Variants in ELAPOR2 observed in about 807,000 individuals in gnomAD.
The protein encoded by ELAPOR2 is endosome-lysosome associated apoptosis and autophagy regulator family member 2, also known as endosome/lysosome-associated apoptosis and autophagy regulator family member 2.
ELAPOR2 carries 89 observed loss-of-function variants against 120.7 expected under a neutral mutation model. That is an observed-to-expected ratio of 0.74 (90% confidence interval 0.62 to 0.88). The LOEUF is 0.88. Ranked by LOEUF, ELAPOR2 falls within the 40% of genes least tolerant of loss-of-function variation. The probability of loss-of-function intolerance (pLI) is 0.00; values close to 1 mark genes in which losing one functional copy is unlikely to be tolerated. For missense variants in ELAPOR2, 1,134 were observed against 1,251.6 expected, an observed-to-expected ratio of 0.91 and a Z score of 1.42; for synonymous variants, 444 against 444.9, an observed-to-expected ratio of 1.00 and a Z score of 0.03.
At chr7:87,048,934 TC>T (rs1795025192) in intron 1 of ELAPOR2, among the ~76,000 whole-genome samples, 1 of 152,246 alleles carries the variant, frequency 6.6e-6, no homozygotes, top group African/African-American at 2.4e-5. Flanking sequence ...TAATTAAAAA[TC>T]CAGACACTGT....
chr7:87,007,910 T>C (rs1175163869), intron 1 of ELAPOR2, among the ~76,000 whole-genome samples: 1 of 152,176 alleles, frequency 6.6e-6, no homozygotes, highest in African/African-American at 2.4e-5. Context: ...TTCTTTTCAA[T>C]AGAAGGTCAA....
intron 1 of ELAPOR2, among the ~76,000 whole-genome samples, chr7:87,016,634 A>G (rs1793875009): frequency 6.7e-6 from 1 of 150,304 alleles, no homozygotes; most frequent in African/African-American, 2.4e-5. Flanking sequence ...TGCCACATCC[A>G]GTTCCGTAAC....
intron 18 of ELAPOR2, among the ~76,000 whole-genome samples, chr7:86,898,393 T>C (rs773227028): frequency 1.4e-4 from 21 of 152,138 alleles, no homozygotes; most frequent in Non-Finnish European, 2.4e-4. Context: ...GGTTTCTGTC[T>C]GAGGTGTTGA....
Position 86,892,979 on chromosome 7 carries a change from G to T in ELAPOR2, c.2807C>A (p.Ala936Asp). 1 of 1,571,844 alleles carries T rather than the reference G, an allele frequency of 6.4e-7. No individual in the cohort carries two copies. Among genetic ancestry groups the T allele is most frequent in the Non-Finnish European group, 8.6e-7 (1 of 1,166,604 alleles). Residue 936 changes from alanine (A) to aspartate (D), a missense_variant, in exon 20 of 22, where the codon GCT becomes GAT. Coordinates refer to ENST00000450689, the MANE Select transcript of ELAPOR2 (RefSeq NM_001142749.3). ...AGCCACCAGCAAAACGGCAGTAAAAGCTCCCACACCGGCTCCCACCTTCAG... is the reference window on the plus strand; with the variant it reads ...AGCCACCAGCAAAACGGCAGTAAAATCTCCCACACCGGCTCCCACCTTCAG... ...FWLKVGAGVG[A>D]FTAVLLVALT...
chr7:86,962,307 G>A (rs1447065737), intron 2 of ELAPOR2, among the ~76,000 whole-genome samples: 1 of 152,114 alleles, frequency 6.6e-6, no homozygotes, highest in African/African-American at 2.4e-5. Context: ...ACATTTTAAA[G>A]AATTTTTAGC....
intron 1 of ELAPOR2, among the ~76,000 whole-genome samples, chr7:86,994,808 A>G (rs74800469): frequency 6.6e-6 from 1 of 152,130 alleles, no homozygotes; most frequent in Admixed American, 6.5e-5. Context: ...CAACCCCTCT[A>G]TGACCCAAGT....
chr7:86,933,129 AAT>A (rs1028031052), intron 8 of ELAPOR2, among the ~76,000 whole-genome samples: 14 of 151,106 alleles, frequency 9.3e-5, no homozygotes, highest in South Asian at 6.3e-4. Context: ...AAATATATCA[AAT>A]ATATATATAT....
chr7:86,937,695 C>A (rs973817255), intron 8 of ELAPOR2, among the ~76,000 whole-genome samples: 1 of 152,198 alleles, frequency 6.6e-6, no homozygotes, highest in East Asian at 1.9e-4. Flanking sequence ...TAAGAACTTT[C>A]CATCCTGTGA....
At chr7:86,966,290 A>G (rs890506355) in intron 1 of ELAPOR2, among the ~76,000 whole-genome samples, 3 of 152,148 alleles carry the variant, frequency 2.0e-5, no homozygotes, top group Non-Finnish European at 4.4e-5. Context: ...TTCCTGGAGG[A>G]AACATTGGAA....
intron 1 of ELAPOR2, among the ~76,000 whole-genome samples, chr7:87,031,405 A>G (rs566706567): frequency 6.6e-6 from 1 of 152,110 alleles, no homozygotes; most frequent in South Asian, 2.1e-4. Flanking sequence ...AATGAGTGGC[A>G]TGAGATCCAC....
At chr7:86,908,150 TACACACACACAC>T (rs144805388) in intron 17 of ELAPOR2, among the ~76,000 whole-genome samples, 35 of 144,358 alleles carry the variant, frequency 2.4e-4, no homozygotes, top group African/African-American at 6.7e-4. Context: ...TGTAAGTGAA[TACACACACACAC>T]ACACACACAC....
chr7:86,946,539 A>G (rs1034039572), intron 3 of ELAPOR2, among the ~76,000 whole-genome samples: 35 of 152,092 alleles, frequency 2.3e-4, no homozygotes, highest in African/African-American at 8.2e-4. Context: ...GGCACCTGCC[A>G]CCACGCCAGG....
intron 1 of ELAPOR2, among the ~76,000 whole-genome samples, chr7:87,025,154 A>G (rs993191323): frequency 6.6e-6 from 1 of 152,120 alleles, no homozygotes; most frequent in Non-Finnish European, 1.5e-5. Context: ...CTAAATGTCT[A>G]AATTCAATTC....
chr7:87,028,470 A>C, intron 1 of ELAPOR2, among the ~76,000 whole-genome samples: 1 of 152,040 alleles, frequency 6.6e-6, no homozygotes, highest in East Asian at 1.9e-4. Flanking sequence ...TTTTTAGCTA[A>C]ACTTGCTCCC....
At chr7:87,017,666 A>G (rs1793913416) in intron 1 of ELAPOR2, among the ~76,000 whole-genome samples, 2 of 152,142 alleles carry the variant, frequency 1.3e-5, no homozygotes, top group Admixed American at 1.3e-4. Context: ...CGTGCCTGTA[A>G]TCCCAACACT....
In ELAPOR2 at chr7:86,925,625, A is replaced by T; in HGVS notation, c.1302T>A (p.Pro434=). The T allele has an allele frequency of 6.2e-7, 1 of 1,611,934 alleles. No individual in the cohort carries two copies. Among genetic ancestry groups the T allele is most frequent in the South Asian group, 1.1e-5 (1 of 91,044 alleles). The change falls in exon 10 of 22, where the codon CCT becomes CCA. Residue 434 remains proline (P), a synonymous_variant. Transcript: ENST00000450689. ...ECRPCPAGTE[P]ALGFEYKWWN... ...ACCATTTATATTCAAAGCCAAGTGC[A>T]GGCTCCGTTCCTGCTGGACATGGTC...
chr7:86,927,850 A>G (rs1222206972), intron 8 of ELAPOR2, among the ~76,000 whole-genome samples: 1 of 152,056 alleles, frequency 6.6e-6, no homozygotes, highest in Admixed American at 6.6e-5. Context: ...TCCTTTTCTT[A>G]AACATATAAT....
chr7:86,911,331 C>T (rs1024675599), intron 15 of ELAPOR2, among the ~76,000 whole-genome samples: 2 of 152,072 alleles, frequency 1.3e-5, no homozygotes, highest in East Asian at 3.9e-4. Context: ...TTGAAAACTT[C>T]TGTGGTCATC....
chr7:86,885,797 T>C (rs1799660609), intron 21 of ELAPOR2, among the ~76,000 whole-genome samples: 1 of 152,144 alleles, frequency 6.6e-6, no homozygotes, highest in African/African-American at 2.4e-5. Flanking sequence ...ATGTGTCCAT[T>C]CAAGATAGTG....
Sources: gnomAD v4.1 joint callset for allele counts (sites outside exome capture counted in the v4.1 genomes callset) on GRCh38, gnomAD v4.1.1 for gene constraint, MANE v1.5 for transcripts, NCBI Gene and HGNC (gene_info 2026-07-23, HGNC 2026-07-21) for gene names.